Variants in GRIK1 observed in about 807,000 individuals in gnomAD.
GRIK1 encodes glutamate ionotropic receptor kainate type subunit 1, also known as glutamate receptor ionotropic, kainate 1.
GRIK1 carries 69 observed loss-of-function variants against 105.7 expected under a neutral mutation model. That is an observed-to-expected ratio of 0.65 (90% confidence interval 0.54 to 0.80). GRIK1 has a LOEUF of 0.80. Ranked by LOEUF, GRIK1 falls within the 30% of genes least tolerant of loss-of-function variation. GRIK1 has a pLI of 0.00. For synonymous variants in GRIK1, 438 were observed against 431.3 expected (o/e 1.02, Z -0.19); for missense variants, 1,109 against 1,167.3 (o/e 0.95, Z 0.73).
intron 1 of GRIK1, among the ~76,000 whole-genome samples, chr21:29,772,074 G>A (rs966595979): frequency 2.6e-5 from 4 of 152,212 alleles, no homozygotes; most frequent in Non-Finnish European, 5.9e-5. Flanking sequence ...AAAGATCAGT[G>A]CATTATTCAA....
At chr21:29,841,529 C>A (rs1453834526) in intron 1 of GRIK1, among the ~76,000 whole-genome samples, 1 of 152,116 alleles carries the variant, frequency 6.6e-6, no homozygotes, top group Admixed American at 6.6e-5. Context: ...TCTTTTGCCC[C>A]ATTTTCTTTG....
At chr21:29,645,143 C>T (rs1185730086) in intron 6 of GRIK1, among the ~76,000 whole-genome samples, 1 of 152,164 alleles carries the variant, frequency 6.6e-6, no homozygotes, top group Non-Finnish European at 1.5e-5. Context: ...TTACATATGT[C>T]ATCTTTTTTA....
intron 1 of GRIK1, among the ~76,000 whole-genome samples, chr21:29,826,095 C>T (rs978434085): frequency 6.6e-6 from 1 of 152,114 alleles, no homozygotes; most frequent in Non-Finnish European, 1.5e-5. Flanking sequence ...CTGCCCTCTG[C>T]ACACACTTTT....
chr21:29,611,507 G>A (rs936510245), intron 7 of GRIK1, among the ~76,000 whole-genome samples: 1 of 152,168 alleles, frequency 6.6e-6, no homozygotes, highest in Admixed American at 6.5e-5. Flanking sequence ...TTGCATGAGA[G>A]TCGTGTTGAT....
At chr21:29,693,724 G>A (rs948244981) in intron 2 of GRIK1, among the ~76,000 whole-genome samples, 172 bp downstream of exon 2, 2 of 152,080 alleles carry the variant, frequency 1.3e-5, no homozygotes, top group East Asian at 1.9e-4. Context: ...GCTCAGCAAC[G>A]TCCATTAGGT....
chr21:29,891,718 A>G (rs1333922232), intron 1 of GRIK1, among the ~76,000 whole-genome samples: 2 of 152,210 alleles, frequency 1.3e-5, no homozygotes, highest in African/African-American at 4.8e-5. Flanking sequence ...ATAGGGAAAA[A>G]AGGGTTTTAT....
intron 1 of GRIK1, among the ~76,000 whole-genome samples, chr21:29,905,961 G>GT (rs1414639705): frequency 1.3e-5 from 2 of 151,416 alleles, no homozygotes; most frequent in East Asian, 3.9e-4. Flanking sequence ...TTGTTTGTTT[G>GT]TTTTAAATAT....
At chr21:29,634,561 A>G (rs1050214476) in intron 7 of GRIK1, among the ~76,000 whole-genome samples, 4 of 152,258 alleles carry the variant, frequency 2.6e-5, no homozygotes, top group Admixed American at 2.0e-4. Flanking sequence ...TGCCGTGTAC[A>G]GGCACGGTGC....
intron 1 of GRIK1, among the ~76,000 whole-genome samples, chr21:29,836,745 T>C (rs1046974144): frequency 1.3e-5 from 2 of 152,314 alleles, no homozygotes; most frequent in Admixed American, 6.5e-5. Context: ...AAATATTACA[T>C]TAAATTCTAA....
At chr21:29,590,979 G>T in intron 10 of GRIK1, 133 bp downstream of exon 10, 2 of 692,090 alleles carry the variant, frequency 2.9e-6, no homozygotes, top group Non-Finnish European at 5.3e-6. Context: ...ACAAACACAG[G>T]CTTTTAGTGT....
At chr21:29,846,463 GAGAAAGAAAGAAAGAAAGAAAGAA>G (rs56303585) in intron 1 of GRIK1, among the ~76,000 whole-genome samples, 454 of 127,982 alleles carry the variant, frequency 3.5e-3, no homozygotes, top group Non-Finnish European at 5.7e-3. Flanking sequence ...GAAAGAGAGA[GAGAAAGAAAGAAAGAAAGAAAGAA>G]AGAAAGAAAG....
At chr21:29,726,970 C>A (rs1473851849) in intron 1 of GRIK1, among the ~76,000 whole-genome samples, 1 of 151,970 alleles carries the variant, frequency 6.6e-6, no homozygotes, top group Non-Finnish European at 1.5e-5. Flanking sequence ...CACTCTGTCA[C>A]CCAGGTTGCA....
chr21:29,871,641 G>A (rs548046045), intron 1 of GRIK1, among the ~76,000 whole-genome samples: 3 of 151,634 alleles, frequency 2.0e-5, no homozygotes, highest in African/African-American at 7.3e-5. Context: ...TGTAAAGGAG[G>A]GAAAAAAAGA....
intron 14 of GRIK1, among the ~76,000 whole-genome samples, chr21:29,574,819 C>T (rs1410261524): frequency 6.6e-6 from 1 of 151,202 alleles, no homozygotes; most frequent in Non-Finnish European, 1.5e-5. Context: ...TCCCGAGTAG[C>T]TGGGACTACA....
intron 4 of GRIK1, among the ~76,000 whole-genome samples, chr21:29,665,393 G>A (rs993124592): frequency 2.0e-5 from 3 of 152,162 alleles, no homozygotes; most frequent in African/African-American, 7.2e-5. Flanking sequence ...TAATTACGAT[G>A]AGAATGTACC....
Position 29,839,761 on chromosome 21 carries a change from G to A in GRIK1, c.118+99622C>T, listed in dbSNP as rs190670212. Among the ~76,000 whole-genome samples the A allele has an allele frequency of 2.0e-4, 31 of 152,200 alleles. 1 individual carries two copies. Among genetic ancestry groups the A allele is most frequent in the African/African-American group, 7.5e-4 (31 of 41,468 alleles). On this transcript the variant is annotated intron_variant, in intron 1 of 17. Coordinates refer to ENST00000327783, the MANE Select transcript of GRIK1 (RefSeq NM_001330994.2). The stretch of plus-strand genomic sequence containing the variant: ...CTAGAAGAATTTAGGGTAAATTTAT[G>A]AGAAAGGCAACAAAGATAGAACTCA...
chr21:29,785,221 C>A (rs181215801), intron 1 of GRIK1, among the ~76,000 whole-genome samples: 1 of 152,226 alleles, frequency 6.6e-6, no homozygotes, highest in East Asian at 1.9e-4. Context: ...AGATATCAGC[C>A]TAATGCCATG....
intron 7 of GRIK1, among the ~76,000 whole-genome samples, chr21:29,611,551 G>A (rs1312596184): frequency 6.6e-6 from 1 of 152,134 alleles, no homozygotes; most frequent in African/African-American, 2.4e-5. Flanking sequence ...CAAATGCAAA[G>A]TGGCATAAAT....
At chr21:29,763,817 A>C (rs1006948363) in intron 1 of GRIK1, 2 of 152,224 alleles carry the variant, frequency 1.3e-5, no homozygotes, top group African/African-American at 4.8e-5. Flanking sequence ...TCTTGTGATT[A>C]AGTTATACAC....
Sources: allele counts gnomAD v4.1 joint callset (sites outside exome capture counted in the v4.1 genomes callset), GRCh38; gene constraint gnomAD v4.1.1; transcripts MANE v1.5; gene names NCBI Gene and HGNC (gene_info 2026-07-23, HGNC 2026-07-21).